GPC6: variants seen among roughly 807,000 people sequenced by gnomAD.
GPC6 encodes the protein glypican-6.
Under a neutral mutation model 55.2 loss-of-function variants are expected in GPC6, and 14 were observed. The observed-to-expected ratio is 0.25, with a 90% CI of 0.17 to 0.40. The LOEUF is 0.40. Ranked by LOEUF, GPC6 falls within the 10% of genes least tolerant of loss-of-function variation. GPC6 has a pLI of 1.00. For synonymous variants in GPC6, 278 were observed against 259.6 expected, an observed-to-expected ratio of 1.07 and a Z score of -0.68; for missense variants, 641 against 708.5, an observed-to-expected ratio of 0.90 and a Z score of 1.08.
intron 2 of GPC6, among the ~76,000 whole-genome samples, chr13:93,567,444 A>C (rs1322070592): frequency 6.6e-6 from 1 of 152,114 alleles, no homozygotes; most frequent in Non-Finnish European, 1.5e-5. Context: ...TGTTAGACAT[A>C]AAATAATCTT....
chr13:94,342,418 G>C (rs117994039), intron 6 of GPC6, among the ~76,000 whole-genome samples: 1 of 152,166 alleles, frequency 6.6e-6, no homozygotes. Flanking sequence ...TACAGAGGAA[G>C]AACACCGTGT....
At chr13:93,781,723 C>A (rs1202965645) in intron 2 of GPC6, among the ~76,000 whole-genome samples, 1 of 151,918 alleles carries the variant, frequency 6.6e-6, no homozygotes, top group Non-Finnish European at 1.5e-5. Context: ...AAAGTCAGGG[C>A]TAATAGATAA....
rs750458827 is a variant in GPC6 at position 94,260,756 on chromosome 13, T to C, written c.878-25593T>C. Among the ~76,000 whole-genome samples the C allele has an allele frequency of 2.6e-5, 4 of 152,100 alleles. No homozygotes were observed. The East Asian group carries it at 7.7e-4, about 29-fold the overall frequency. On this transcript the variant is annotated intron_variant, in intron 4 of 8. Transcript: ENST00000377047. The stretch of plus-strand genomic sequence containing the variant: ...AAGGAGTTGCCAGCAATCTAAATGA[T>C]TGACTGAAGAGAAGGGGTCAGATCA...
chr13:93,996,593 A>C (rs1881566623), intron 3 of GPC6, among the ~76,000 whole-genome samples: 2 of 152,168 alleles, frequency 1.3e-5, no homozygotes, highest in Admixed American at 6.6e-5. Context: ...AGTTGAAAAA[A>C]GCAAACTGCT....
intron 1 of GPC6, among the ~76,000 whole-genome samples, chr13:93,430,317 CATT>C (rs1424894352): frequency 7.0e-6 from 1 of 142,338 alleles, no homozygotes; most frequent in Non-Finnish European, 1.6e-5. Context: ...TTATCTTTAA[CATT>C]ATTATACTTT....
intron 1 of GPC6, among the ~76,000 whole-genome samples, chr13:93,305,670 T>C (rs1878833153): frequency 6.6e-6 from 1 of 152,218 alleles, no homozygotes; most frequent in African/African-American, 2.4e-5. Flanking sequence ...ACTTCCTTTC[T>C]TCTAGATATG....
intron 1 of GPC6, among the ~76,000 whole-genome samples, chr13:93,437,122 A>T (rs923274908): frequency 6.6e-6 from 1 of 152,104 alleles, no homozygotes; most frequent in Admixed American, 6.5e-5. Context: ...TGCCCATATA[A>T]AAAAGCAAAC....
intron 3 of GPC6, among the ~76,000 whole-genome samples, chr13:93,844,529 A>C (rs2139002409): frequency 6.6e-6 from 1 of 151,822 alleles, no homozygotes; most frequent in Non-Finnish European, 1.5e-5. Context: ...AGTTCATTGT[A>C]GATTCTGGAT....
intron 4 of GPC6, among the ~76,000 whole-genome samples, chr13:94,062,237 T>TTTTTG (rs527802804): frequency 8.6e-5 from 13 of 151,914 alleles, no homozygotes; most frequent in African/African-American, 2.4e-4. Flanking sequence ...ATTTCTGTTT[T>TTTTTG]TTTTGTTTTG....
chr13:93,687,615 T>A (rs1052094803), intron 2 of GPC6, among the ~76,000 whole-genome samples: 2 of 152,160 alleles, frequency 1.3e-5, no homozygotes, highest in Non-Finnish European at 2.9e-5. Context: ...CTTAGCTTGT[T>A]AATTTATAAA....
At chr13:94,227,905 A>C (rs575951700) in intron 4 of GPC6, among the ~76,000 whole-genome samples, 1 of 152,302 alleles carries the variant, frequency 6.6e-6, no homozygotes, top group South Asian at 2.1e-4. Flanking sequence ...ACTGGGCTGG[A>C]ATTAACACAC....
At chr13:93,727,643 C>T (rs1039506071) in intron 2 of GPC6, among the ~76,000 whole-genome samples, 1 of 152,156 alleles carries the variant, frequency 6.6e-6, no homozygotes, top group African/African-American at 2.4e-5. Flanking sequence ...ATGAAACCAG[C>T]CACAAACTGG....
chr13:94,271,392 A>G (rs1383775207), intron 4 of GPC6, among the ~76,000 whole-genome samples: 31 of 128,302 alleles, frequency 2.4e-4, no homozygotes, highest in Non-Finnish European at 5.5e-4. Context: ...GCACACACAC[A>G]CACACACACA....
At chr13:93,218,544 T>C in the GPC6 span, among the ~76,000 whole-genome samples, 2 of 152,224 alleles carry the variant, frequency 1.3e-5, no homozygotes, top group South Asian at 2.1e-4. Context: ...TTGGGCTTAA[T>C]GTAGTCACAC....
intron 1 of GPC6, among the ~76,000 whole-genome samples, chr13:93,262,571 T>C (rs965756918): frequency 1.3e-5 from 2 of 152,206 alleles, no homozygotes; most frequent in African/African-American, 4.8e-5. Context: ...ATTCTTCCAG[T>C]GATAGTTTAT....
intron 2 of GPC6, among the ~76,000 whole-genome samples, chr13:93,713,398 A>G (rs975883183): frequency 2.0e-5 from 3 of 151,724 alleles, no homozygotes; most frequent in Non-Finnish European, 4.4e-5. Context: ...TAGACAAATT[A>G]CTGCCAAGAC....
chr13:93,972,226 G>T (rs1273732698), intron 3 of GPC6, among the ~76,000 whole-genome samples: 2 of 152,164 alleles, frequency 1.3e-5, no homozygotes, highest in African/African-American at 2.4e-5. Context: ...CTATCAAATG[G>T]CTGAGCTGCT....
chr13:94,339,751 CTTTTTTTTT>C (rs56074677), intron 6 of GPC6, among the ~76,000 whole-genome samples: 7 of 63,812 alleles, frequency 1.1e-4, no homozygotes, highest in East Asian at 4.3e-4. Flanking sequence ...GCATACTTTC[CTTTTTTTTT>C]TTTTTTTTTT....
intron 2 of GPC6, among the ~76,000 whole-genome samples, chr13:93,744,437 G>A (rs1884315700): frequency 6.6e-6 from 1 of 150,978 alleles, no homozygotes; most frequent in African/African-American, 2.4e-5. Flanking sequence ...GAAATCAAGT[G>A]GACTTCTCTG....
Sources: gnomAD v4.1 joint callset for allele counts (sites outside exome capture counted in the v4.1 genomes callset) on GRCh38, gnomAD v4.1.1 for gene constraint, MANE v1.5 for transcripts, NCBI Gene and HGNC (gene_info 2026-07-23, HGNC 2026-07-21) for gene names.